The following ATRNL1 variants were observed in gnomAD, a reference collection of about 807,000 sequenced individuals.
The protein encoded by ATRNL1 is attractin-like protein 1.
In ATRNL1, 95 loss-of-function variants were observed where a neutral mutation model predicts 182.7. The ratio of observed to expected loss-of-function variants is 0.52; its 90% CI spans 0.44 to 0.62. The LOEUF (loss-of-function observed/expected upper bound fraction) is 0.62. ATRNL1 is among the 20% of genes least tolerant of loss of function. ATRNL1 has a pLI of 0.00. For missense variants in ATRNL1, 1,471 were observed against 1,679.5 expected, an observed-to-expected ratio of 0.88 and a Z score of 2.17; for synonymous variants, 576 against 568.3, an observed-to-expected ratio of 1.01 and a Z score of -0.19.
At chr10:115,549,188 C>G (rs894791696) in intron 25 of ATRNL1, among the ~76,000 whole-genome samples, 2 of 151,736 alleles carry the variant, frequency 1.3e-5, no homozygotes, top group African/African-American at 4.8e-5. Context: ...TTCATAAGAC[C>G]AATGTAATTA....
intron 1 of ATRNL1, among the ~76,000 whole-genome samples, chr10:115,107,087 G>A (rs942625494): frequency 2.0e-5 from 3 of 152,122 alleles, no homozygotes; most frequent in African/African-American, 7.2e-5. Flanking sequence ...TGCCCTCATG[G>A]TTTAATCACC....
intron 26 of ATRNL1, among the ~76,000 whole-genome samples, chr10:115,632,561 A>G (rs1858581700): frequency 6.6e-6 from 1 of 152,212 alleles, no homozygotes; most frequent in Non-Finnish European, 1.5e-5. Context: ...ATTTCACTCA[A>G]ATATGTAGAT....
chr10:115,665,638 C>T (rs1188285905), intron 26 of ATRNL1, among the ~76,000 whole-genome samples: 1 of 152,088 alleles, frequency 6.6e-6, no homozygotes, highest in Non-Finnish European at 1.5e-5. Context: ...TCTTTCTTCA[C>T]CACATATATT....
At chr10:115,750,399 G>C (rs1555070370) in intron 27 of ATRNL1, among the ~76,000 whole-genome samples, 1 of 151,778 alleles carries the variant, frequency 6.6e-6, no homozygotes, top group African/African-American at 2.4e-5. Flanking sequence ...AAGTGGTATT[G>C]GGATAGATGA....
At chr10:115,529,091 T>C (rs1851415411) in intron 25 of ATRNL1, among the ~76,000 whole-genome samples, 1 of 152,090 alleles carries the variant, frequency 6.6e-6, no homozygotes, top group African/African-American at 2.4e-5. Context: ...TTCTGTTGTT[T>C]TTAGGTAGAA....
chr10:115,546,956 T>C (rs1852691232), intron 25 of ATRNL1, among the ~76,000 whole-genome samples: 1 of 152,078 alleles, frequency 6.6e-6, no homozygotes, highest in Non-Finnish European at 1.5e-5. Flanking sequence ...CACTGGTTGA[T>C]AAAAGTTAGA....
intron 19 of ATRNL1, among the ~76,000 whole-genome samples, chr10:115,370,030 C>T (rs782659056): frequency 6.6e-6 from 1 of 152,146 alleles, no homozygotes. Flanking sequence ...CTATTCTTGT[C>T]ATAGTGAATA....
intron 5 of ATRNL1, among the ~76,000 whole-genome samples, chr10:115,137,184 A>ATCCATCTC (rs1845552492): frequency 6.6e-6 from 1 of 152,112 alleles, no homozygotes; most frequent in Admixed American, 6.5e-5. Context: ...AAGAATGAAA[A>ATCCATCTC]TCCATCTCAA....
chr10:115,877,600 AT>A (rs1393838164), intron 28 of ATRNL1, among the ~76,000 whole-genome samples: 1 of 152,188 alleles, frequency 6.6e-6, no homozygotes, highest in African/African-American at 2.4e-5. Flanking sequence ...ATGTTTAAAT[AT>A]TTCCCTTGCA....
intron 8 of ATRNL1, 63 bp downstream of exon 8, chr10:115,171,355 C>A: frequency 7.2e-7 from 1 of 1,390,446 alleles, no homozygotes; most frequent in Non-Finnish European, 9.8e-7. Flanking sequence ...TTAATAAAAT[C>A]TTCATATGAA....
At chr10:115,220,724 T>G (rs1474427035) in intron 9 of ATRNL1, among the ~76,000 whole-genome samples, 1 of 20,352 alleles carries the variant, frequency 4.9e-5, no homozygotes, top group Non-Finnish European at 1.5e-4. Context: ...AATAAAATAA[T>G]GGGGGGGGGG....
chr10:115,531,845 A>G (rs1345089785), intron 25 of ATRNL1, among the ~76,000 whole-genome samples: 11 of 144,210 alleles, frequency 7.6e-5, no homozygotes, highest in Non-Finnish European at 6.3e-5. Context: ...CATTCTACGT[A>G]TGGCTAGCCA....
intron 26 of ATRNL1, among the ~76,000 whole-genome samples, chr10:115,577,433 T>C (rs1272291156): frequency 6.6e-6 from 1 of 151,800 alleles, no homozygotes; most frequent in Non-Finnish European, 1.5e-5. Context: ...GCTCAGATAT[T>C]TTACTTTCTT....
At chr10:115,813,855 T>A (rs1293490850) in intron 27 of ATRNL1, among the ~76,000 whole-genome samples, 1 of 152,192 alleles carries the variant, frequency 6.6e-6, no homozygotes, top group African/African-American at 2.4e-5. Flanking sequence ...TAATATTTTT[T>A]ATTTCTCCTT....
Position 115,462,034 on chromosome 10 carries a change from A to T in ATRNL1, c.3416A>T (p.Gln1139Leu). Residue 1139 changes from glutamine to leucine, a missense_variant and splice_region_variant, in exon 22 of 29, where the codon CAG (glutamine) becomes CTG (leucine). Transcript: ENST00000355044. Reference protein sequence around the residue: ...TAINFIANPEQSNKNLDISIN... With the variant: ...TAINFIANPELSNKNLDISIN... ...ATAAACTTTATAGCAAACCCAGAAC[A>T]GGTGAGGAAAAATTGTTATCTTTTA... 2 of 1,593,264 alleles carry T rather than the reference A, an allele frequency of 1.3e-6. No homozygotes were observed. The highest frequency in any genetic ancestry group is 1.7e-6 in the Non-Finnish European group (2 of 1,169,468).
chr10:115,794,856 T>C (rs1949613340), intron 27 of ATRNL1, among the ~76,000 whole-genome samples: 1 of 152,202 alleles, frequency 6.6e-6, no homozygotes, highest in South Asian at 2.1e-4. Context: ...CTCCCATTCC[T>C]TATCAAACTT....
chr10:115,353,045 G>A lies in ATRNL1; in HGVS notation c.3175+18626G>A, dbSNP rs146217189. On this transcript the variant is annotated intron_variant, in intron 19 of 28. Transcript: ENST00000355044. ...TGAGAAGAATGTATATTTTTCACCC[G>A]TTGAATGAAATGTTCTCTTATTGAT... is the stretch of plus-strand genomic sequence containing the variant. Among the ~76,000 whole-genome samples the A allele has an allele frequency of 7.4e-3, 1,132 of 152,254 alleles. 7 individuals are homozygous for A. Among genetic ancestry groups the A allele is most frequent in the Non-Finnish European group, 0.011 (731 of 68,038 alleles).
chr10:115,376,392 A>G (rs1857672859), intron 19 of ATRNL1, among the ~76,000 whole-genome samples: 1 of 152,060 alleles, frequency 6.6e-6, no homozygotes, highest in Admixed American at 6.6e-5. Flanking sequence ...AGGTCAAGCA[A>G]TCCTCCTGCC....
chr10:115,844,560 T>A (rs1010675821), intron 27 of ATRNL1, among the ~76,000 whole-genome samples: 1 of 152,068 alleles, frequency 6.6e-6, no homozygotes, highest in African/African-American at 2.4e-5. Flanking sequence ...GCATTTAATA[T>A]AGAATTTTTG....
Sources: gnomAD v4.1 joint callset for allele counts (sites outside exome capture counted in the v4.1 genomes callset) on GRCh38, gnomAD v4.1.1 for gene constraint, MANE v1.5 for transcripts, NCBI Gene and HGNC (gene_info 2026-07-23, HGNC 2026-07-21) for gene names.